Variants in TASOR observed in about 807,000 individuals in gnomAD.
TASOR encodes the protein protein TASOR.
TASOR carries 53 observed loss-of-function variants against 178.6 expected under a neutral mutation model. The observed-to-expected ratio is 0.30, with a 90% CI of 0.24 to 0.37. TASOR has a LOEUF of 0.37. Among genes scored for constraint, TASOR ranks in the 10% least tolerant of loss-of-function variants. TASOR has a pLI of 1.00. For missense variants in TASOR, 1,815 were observed against 1,971.4 expected (o/e 0.92, Z 1.50); for synonymous variants, 713 against 696.2 (o/e 1.02, Z -0.38).
chr3:56,626,099 A>G (rs981562357), intron 21 of TASOR, among the ~76,000 whole-genome samples: 2 of 152,240 alleles, frequency 1.3e-5, no homozygotes, highest in African/African-American at 4.8e-5. Context: ...TTAAGGAAAT[A>G]ATGATTGACA....
chr3:56,633,564 T>G lies in TASOR; in HGVS notation c.3227A>C (p.Glu1076Ala), dbSNP rs1416002174. 2 of 1,614,060 alleles carry G rather than the reference T, an allele frequency of 1.2e-6. No homozygotes were observed. The highest frequency in any genetic ancestry group is 1.7e-6 in the Non-Finnish European group (2 of 1,180,016). The change falls in exon 18 of 24, where the codon GAG (glutamate) becomes GCG (alanine). Residue 1076 changes from glutamate to alanine, a missense_variant. Glu to Ala is a moderately radical substitution (Grantham distance 107). Coordinates refer to ENST00000683822, the MANE Select transcript of TASOR (RefSeq NM_001365635.2). ...YSKTSKAGVQEFVDGLHEKLN... is the reference protein window; with the variant it reads ...YSKTSKAGVQAFVDGLHEKLN... The stretch of plus-strand genomic sequence containing the variant: ...CTTCTCATGCAAACCATCTACAAAC[T>G]CCTGCACACCAGCTTTGGAAGTCTT...
chr3:56,628,713 C>T, intron 18 of TASOR, 99 bp from the exon 19 acceptor site: 2 of 761,662 alleles, frequency 2.6e-6, no homozygotes, highest in Non-Finnish European at 4.1e-6. Flanking sequence ...TTAACTACTA[C>T]CATGACATTA....
At chr3:56,628,156 A>G (rs1308022618) in intron 19 of TASOR, among the ~76,000 whole-genome samples, 2 of 152,212 alleles carry the variant, frequency 1.3e-5, no homozygotes, top group East Asian at 3.8e-4. Context: ...GGAAAAGGGG[A>G]CTGGTCTGGC....
intron 1 of TASOR, among the ~76,000 whole-genome samples, chr3:56,678,177 A>ATTTTTTTTTTTT (rs533306611): frequency 3.7e-5 from 4 of 106,964 alleles, no homozygotes; most frequent in East Asian, 3.0e-4. Flanking sequence ...CACACTTATG[A>ATTTTTTTTTTTT]TTTTTTTTTT....
At position 56,623,070 on chromosome 3, in the gene TASOR, A is replaced by C. The variant is rs1324951841; in HGVS notation, c.4980T>G (p.Ser1660Arg). The C allele has an allele frequency of 6.3e-7, 1 of 1,590,330 alleles. No individual in the cohort carries two copies. Among genetic ancestry groups the C allele is most frequent in the South Asian group, 1.2e-5 (1 of 85,846 alleles). The part of the protein sequence containing the change: ...KSPPPLSWGK[S>R]DSSRPYSQEK ...CTTGTGAATATGGCCTGGAAGAATC[A>C]CTTTTCCCCCAACTTAAGGGAGGTG... The change falls in exon 24 of 24, where the codon AGT (serine) becomes AGG (arginine). Residue 1660 changes from serine (S) to arginine (R), a missense_variant. Ser to Arg is a moderately radical substitution (Grantham distance 110, BLOSUM62 -1). Coordinates refer to ENST00000683822, the MANE Select transcript of TASOR (RefSeq NM_001365635.2).
intron 1 of TASOR, among the ~76,000 whole-genome samples, chr3:56,675,125 G>A (rs978194729): frequency 1.7e-4 from 24 of 145,326 alleles, no homozygotes; most frequent in Non-Finnish European, 3.5e-4. Context: ...TGCCCAGCCA[G>A]GACATTTAAG....
rs140830682 is a variant in TASOR, at chr3:56,640,722, T to C, written c.2620-592A>G. On this transcript the variant is annotated intron_variant, in intron 15 of 23. Transcript: ENST00000683822. ...GACAGTAAATGAAGAAATAAGCCCA[T>C]AGGAATACGGTGCAATCCTAGAACT... is the stretch of plus-strand genomic sequence containing the variant. Among the ~76,000 whole-genome samples, 8 of 152,134 alleles carry C rather than the reference T, an allele frequency of 5.3e-5. No individual in the cohort carries two copies. The East Asian group carries it at 1.4e-3, about 26-fold the overall frequency.
intron 2 of TASOR, 46 bp from the exon 3 acceptor site, chr3:56,671,738 T>C (rs2030758985): frequency 2.9e-6 from 4 of 1,380,268 alleles, no homozygotes; most frequent in Non-Finnish European, 4.0e-6. Flanking sequence ...TGTGATTATG[T>C]TTTTCAAGCT....
chr3:56,671,671 G>C lies in TASOR; in HGVS notation c.499C>G (p.Leu167Val). ...TTATCTAAACGACCATCAAACTTCA[G>C]TTCTCTTCGCTTTTCTGTAAACTAA... ...EKEFTEKRRELKFDGRLDKEL... is the reference protein window; with the variant it reads ...EKEFTEKRREVKFDGRLDKEL... The change falls in exon 3 of 24, where the codon CTG (leucine) becomes GTG (valine). Residue 167 changes from leucine to valine, a missense_variant. Around this residue, in one of 5 missense-constraint regions of TASOR, gnomAD observed 504 missense variants for 645.3 expected, o/e 0.78. Coordinates refer to ENST00000683822, the MANE Select transcript of TASOR (RefSeq NM_001365635.2). The C allele has an allele frequency of 6.5e-7, 1 of 1,548,718 alleles. No homozygotes were observed. Among genetic ancestry groups the C allele is most frequent in the Non-Finnish European group, 8.7e-7 (1 of 1,145,440 alleles).
intron 17 of TASOR, among the ~76,000 whole-genome samples, chr3:56,637,404 C>G (rs1052823110): frequency 9.2e-5 from 14 of 152,264 alleles, no homozygotes; most frequent in Admixed American, 9.2e-4. Context: ...TGCCTGTAAT[C>G]CCAGCTACTT....
chr3:56,674,460 C>T (rs565596840), intron 1 of TASOR, among the ~76,000 whole-genome samples: 2 of 151,932 alleles, frequency 1.3e-5, no homozygotes, highest in East Asian at 1.9e-4. Flanking sequence ...CAGTGAGCCA[C>T]GTTCTCCCAC....
intron 17 of TASOR, among the ~76,000 whole-genome samples, chr3:56,637,585 CTT>C (rs55907625): frequency 6.8e-6 from 1 of 146,782 alleles, no homozygotes; most frequent in Non-Finnish European, 1.5e-5. Context: ...TTCATGGTTT[CTT>C]TTTTTTTTTA....
intron 1 of TASOR, among the ~76,000 whole-genome samples, chr3:56,679,308 C>A (rs1393273576): frequency 3.3e-5 from 5 of 152,144 alleles, no homozygotes; most frequent in Non-Finnish European, 5.9e-5. Flanking sequence ...CAAGGTTGAA[C>A]ATAGTGTACA....
At chr3:56,650,338 G>T (rs2077324902) in intron 11 of TASOR, among the ~76,000 whole-genome samples, 1 of 152,192 alleles carries the variant, frequency 6.6e-6, no homozygotes, top group African/African-American at 2.4e-5. Context: ...AAGTGGTATT[G>T]TGTTTGGGGG....
Position 56,678,113 on chromosome 3 carries a change from T to C in TASOR, c.332-4388A>G, listed in dbSNP as rs564169773. 3.9e-5 allele frequency among the ~76,000 whole-genome samples: 6 copies of C among 152,010 alleles called. No homozygotes were observed. The East Asian group carries it at 1.2e-3, about 29-fold the overall frequency. Reference sequence around the variant, plus strand: ...AATTTCAACTGGAATTCAAATTTCCTGACTCTTAGCCATACTATCATCAAA... The same window carrying C: ...AATTTCAACTGGAATTCAAATTTCCCGACTCTTAGCCATACTATCATCAAA... On this transcript the variant is annotated intron_variant, in intron 1 of 23. Transcript: ENST00000683822.
intron 1 of TASOR, among the ~76,000 whole-genome samples, chr3:56,681,411 C>G (rs1315044899): frequency 6.6e-6 from 1 of 152,182 alleles, no homozygotes; most frequent in East Asian, 1.9e-4. Flanking sequence ...ATTCCTCATG[C>G]TAATTTCCAA....
chr3:56,665,180 G>A (rs977508680), intron 7 of TASOR, among the ~76,000 whole-genome samples: 5 of 151,724 alleles, frequency 3.3e-5, no homozygotes, highest in Admixed American at 6.6e-5. Context: ...GAAAAAAAAA[G>A]AAACAGAGGG....
intron 14 of TASOR, among the ~76,000 whole-genome samples, chr3:56,642,951 G>C (rs764880848): frequency 2.6e-5 from 4 of 151,916 alleles, no homozygotes; most frequent in Non-Finnish European, 5.9e-5. Context: ...ACTCCAGCCT[G>C]GGCAACAGAG....
At chr3:56,636,632 ACCT>A (rs1166925499) in intron 17 of TASOR, among the ~76,000 whole-genome samples, 2 of 150,660 alleles carry the variant, frequency 1.3e-5, no homozygotes, top group African/African-American at 4.9e-5. Context: ...CGATGTCTTG[ACCT>A]CCTGATCCGC....
Sources: allele counts gnomAD v4.1 joint callset (sites outside exome capture counted in the v4.1 genomes callset), GRCh38; gene constraint gnomAD v4.1.1; regional missense constraint gnomAD v4.1.1; transcripts MANE v1.5; gene names NCBI Gene and HGNC (gene_info 2026-07-23, HGNC 2026-07-21).